CTNNA3: variants seen among roughly 807,000 people sequenced by gnomAD.
The protein encoded by CTNNA3 is catenin alpha 3, also known as catenin alpha-3.
In CTNNA3, 76 loss-of-function variants were observed where a neutral mutation model predicts 95.7. The ratio of observed to expected loss-of-function variants is 0.79; its 90% CI spans 0.66 to 0.96. CTNNA3 has a LOEUF of 0.96. Ranked by LOEUF, CTNNA3 falls within the 40% of genes least tolerant of loss-of-function variation. The probability of loss-of-function intolerance (pLI) is 0.00; values close to 1 mark genes in which losing one functional copy is unlikely to be tolerated. For missense variants in CTNNA3, 1,191 were observed against 1,089.8 expected (o/e 1.09, Z -1.31); for synonymous variants, 431 against 374.4 (o/e 1.15, Z -1.74).
chr10:66,667,777 A>C (rs1417757306), intron 9 of CTNNA3, among the ~76,000 whole-genome samples: 1 of 152,054 alleles, frequency 6.6e-6, no homozygotes. Flanking sequence ...TCTTCCCAGC[A>C]CAGCTTAAAT....
At chr10:67,042,687 T>C (rs1854477836) in intron 7 of CTNNA3, among the ~76,000 whole-genome samples, 1 of 151,432 alleles carries the variant, frequency 6.6e-6, no homozygotes, top group Non-Finnish European at 1.5e-5. Context: ...GGGGAAACTA[T>C]TAGAGGAAAA....
At chr10:66,505,609 T>C (rs1475344561) in intron 11 of CTNNA3, among the ~76,000 whole-genome samples, 1 of 152,174 alleles carries the variant, frequency 6.6e-6, no homozygotes, top group Admixed American at 6.5e-5. Flanking sequence ...ACCTAGGTTA[T>C]TCGGCTTGAG....
At chr10:67,094,153 C>T (rs1298439336) in intron 7 of CTNNA3, among the ~76,000 whole-genome samples, 1 of 151,896 alleles carries the variant, frequency 6.6e-6, no homozygotes, top group Non-Finnish European at 1.5e-5. Context: ...AAGACTTGCT[C>T]TGACAAAGAA....
chr10:66,856,748 T>C (rs1442245003), intron 7 of CTNNA3, among the ~76,000 whole-genome samples: 1 of 151,906 alleles, frequency 6.6e-6, no homozygotes, highest in Non-Finnish European at 1.5e-5. Flanking sequence ...CCATGTTTTA[T>C]GGGGTTGTTT....
At chr10:66,698,559 T>A (rs934615697) in intron 9 of CTNNA3, among the ~76,000 whole-genome samples, 1 of 152,172 alleles carries the variant, frequency 6.6e-6, no homozygotes, top group African/African-American at 2.4e-5. Flanking sequence ...ATAATCCTCA[T>A]CAGTAACACA....
At position 65,912,770 on chromosome 10, in the gene CTNNA3, T is replaced by C. The variant is rs1229613626; in HGVS notation, c.*7560A>G. 6.6e-6 allele frequency: 1 copy of C among 152,220 alleles called. No individual in the cohort carries two copies. Among genetic ancestry groups the C allele is most frequent in the Middle Eastern group, 3.2e-3 (1 of 316 alleles). 9.4% of individuals were successfully genotyped at this position (152,220 alleles called of 1,614,324 possible). A position where few individuals can be genotyped will look rare whatever the true frequency, so the allele number is the denominator to read the frequency against. On this transcript the variant is annotated 3_prime_UTR_variant, in exon 18 of 18. Transcript: ENST00000433211. ...CTCAAACAAGGAGTATTTGGGCTTC[T>C]ATGTCAATGTCATAGGAAAGAGCTT...
At chr10:66,008,742 T>A (rs142975169) in intron 15 of CTNNA3, among the ~76,000 whole-genome samples, 3,035 of 152,266 alleles carry the variant, frequency 0.02, 38 homozygotes, top group Non-Finnish European at 0.03. Context: ...ATAATGTCAT[T>A]AAAAACAATC....
At chr10:66,035,035 G>A (rs1400344346) in intron 15 of CTNNA3, among the ~76,000 whole-genome samples, 2 of 152,030 alleles carry the variant, frequency 1.3e-5, no homozygotes, top group Non-Finnish European at 2.9e-5. Context: ...AGTGTTTGGG[G>A]CATTCATTTT....
At chr10:67,608,700 A>G (rs1843356978) in intron 2 of CTNNA3, among the ~76,000 whole-genome samples, 1 of 152,342 alleles carries the variant, frequency 6.6e-6, no homozygotes, top group African/African-American at 2.4e-5. Context: ...CTTAACAAAT[A>G]CAAGAACAAA....
At chr10:67,215,986 T>C (rs541635814) in intron 6 of CTNNA3, among the ~76,000 whole-genome samples, 95 of 152,304 alleles carry the variant, frequency 6.2e-4, no homozygotes, top group South Asian at 3.5e-3. Flanking sequence ...AGATTATTTA[T>C]GTATATAAAA....
At chr10:66,214,861 C>G (rs1444991127) in intron 13 of CTNNA3, among the ~76,000 whole-genome samples, 1 of 151,924 alleles carries the variant, frequency 6.6e-6, no homozygotes, top group East Asian at 1.9e-4. Context: ...AGAGGAGACT[C>G]TCAGTATATA....
chr10:66,431,448 T>C (rs565178550), intron 11 of CTNNA3, among the ~76,000 whole-genome samples: 1 of 152,194 alleles, frequency 6.6e-6, no homozygotes, highest in South Asian at 2.1e-4. Flanking sequence ...CATGCACATG[T>C]ATGTTTATTG....
At chr10:66,804,403 G>A (rs1384978174) in intron 7 of CTNNA3, among the ~76,000 whole-genome samples, 3 of 151,988 alleles carry the variant, frequency 2.0e-5, no homozygotes. Flanking sequence ...TCCTTGCTCA[G>A]TGTCACTTCT....
chr10:67,520,303 T>C (rs1234188618), intron 5 of CTNNA3, among the ~76,000 whole-genome samples: 3 of 152,154 alleles, frequency 2.0e-5, no homozygotes, highest in Non-Finnish European at 2.9e-5. Context: ...TCTCCCAGAG[T>C]TCTACCCTTC....
At chr10:66,515,748 C>T (rs1206047791) in intron 11 of CTNNA3, among the ~76,000 whole-genome samples, 1 of 151,980 alleles carries the variant, frequency 6.6e-6, no homozygotes, top group Non-Finnish European at 1.5e-5. Flanking sequence ...AAGGAAGAAG[C>T]CTTTATAAAA....
chr10:66,509,836 C>T (rs1840592935), intron 11 of CTNNA3, among the ~76,000 whole-genome samples: 1 of 151,634 alleles, frequency 6.6e-6, no homozygotes, highest in African/African-American at 2.4e-5. Context: ...ATATTTTGTA[C>T]TATCGCCAGT....
At chr10:67,281,695 G>T (rs996356375) in intron 5 of CTNNA3, among the ~76,000 whole-genome samples, 3 of 152,020 alleles carry the variant, frequency 2.0e-5, no homozygotes, top group African/African-American at 7.2e-5. Flanking sequence ...CATATAGCAT[G>T]AAAAAATGTC....
intron 7 of CTNNA3, among the ~76,000 whole-genome samples, chr10:66,934,366 A>G (rs1847575371): frequency 6.6e-6 from 1 of 152,086 alleles, no homozygotes; most frequent in Non-Finnish European, 1.5e-5. Context: ...AGAGTCTGTA[A>G]TTCCTATATC....
At chr10:66,371,817 A>G (rs1171583248) in intron 12 of CTNNA3, among the ~76,000 whole-genome samples, 5 of 152,170 alleles carry the variant, frequency 3.3e-5, no homozygotes, top group African/African-American at 7.2e-5. Flanking sequence ...GCATGCTGAC[A>G]GCCAAGGTGT....
Sources: allele counts gnomAD v4.1 joint callset (sites outside exome capture counted in the v4.1 genomes callset), GRCh38; gene constraint gnomAD v4.1.1; transcripts MANE v1.5; gene names NCBI Gene and HGNC (gene_info 2026-07-23, HGNC 2026-07-21).